SLC35E2B: variants seen among roughly 807,000 people sequenced by gnomAD.
SLC35E2B encodes solute carrier family 35 member E2B.
Under a neutral mutation model 32.4 loss-of-function variants are expected in SLC35E2B, and 18 were observed. The ratio of observed to expected loss-of-function variants is 0.56; its 90% confidence interval spans 0.38 to 0.82. The LOEUF (loss-of-function observed/expected upper bound fraction) is 0.82. Ranked by LOEUF, SLC35E2B falls within the 40% of genes least tolerant of loss-of-function variation. The pLI is 0.00. For missense variants in SLC35E2B, 263 were observed against 469.5 expected, an observed-to-expected ratio of 0.56 and a Z score of 4.06; for synonymous variants, 132 against 209.1, an observed-to-expected ratio of 0.63 and a Z score of 3.18.
rs571091862 is a variant in SLC35E2B at position 1,685,414 on chromosome 1, GAAAAA to G, written c.-148+5557_-148+5561del. Among the ~76,000 whole-genome samples, 42 of 102,812 alleles carry G rather than the reference GAAAAA, an allele frequency of 4.1e-4. No homozygotes were observed. The East Asian group carries it at 8.1e-3, about 20-fold the overall frequency. The allele number at this position is 102,812 out of a possible 152,430, so 67.4% of individuals were successfully genotyped here. A position where few individuals can be genotyped will look rare whatever the true frequency, so the allele number is the denominator to read the frequency against. On this transcript the variant is annotated intron_variant, in intron 2 of 9. Transcript: ENST00000617444. ...GGCGACACAGTGAAACGTTTTCTCA[GAAAAA>G]AAAAAAAAAAAAAGAAAAGGAAAAA...
chr1:1,671,854 G>T (rs1340376183), intron 5 of SLC35E2B: 1 of 412,304 alleles, frequency 2.4e-6, no homozygotes, highest in African/African-American at 2.1e-5. Flanking sequence ...CTCTACATGA[G>T]ATGCGTCCCC....
At chr1:1,677,392 C>A (rs1570332219) in intron 2 of SLC35E2B, among the ~76,000 whole-genome samples, 1 of 151,334 alleles carries the variant, frequency 6.6e-6, no homozygotes, top group South Asian at 2.1e-4. Flanking sequence ...TCCTTCACGC[C>A]CTGCCTGGCA....
At chr1:1,684,383 C>G (rs1425713180) in intron 2 of SLC35E2B, among the ~76,000 whole-genome samples, 1 of 152,164 alleles carries the variant, frequency 6.6e-6, no homozygotes, top group East Asian at 1.9e-4. Flanking sequence ...GTTTGCTTTC[C>G]CACCATCATA....
intron 6 of SLC35E2B, 95 bp downstream of exon 6, chr1:1,671,400 CTGCTTTGGCTCACG>C (rs2101097521): frequency 8.1e-7 from 1 of 1,241,132 alleles, no homozygotes; most frequent in Admixed American, 4.0e-5. Flanking sequence ...TTGGACGCAC[CTGCTTTGGCTCACG>C]GGAGGAATTC....
rs550420725 is a variant in SLC35E2B, at chr1:1,681,620, C to T, written c.-147-4774G>A. ...TTCTTGGATTCAAGGGATTCGCATG[C>T]CTCAGCCTCTCGGGCAGCTGGAATT... On this transcript the variant is annotated intron_variant, in intron 2 of 9. Transcript: ENST00000617444. Among the ~76,000 whole-genome samples, 8 of 151,838 alleles carry T rather than the reference C, an allele frequency of 5.3e-5. No individual in the cohort carries two copies. In the East Asian group the frequency reaches 1.6e-3, roughly 30 times the overall value.
chr1:1,670,382 A>G, intron 6 of SLC35E2B: 2 of 451,868 alleles, frequency 4.4e-6, no homozygotes, highest in South Asian at 2.6e-5. Flanking sequence ...TCAGCCTCCC[A>G]AAGTGCTGGG....
At chr1:1,681,338 C>T (rs1177431068) in intron 2 of SLC35E2B, among the ~76,000 whole-genome samples, 2 of 151,834 alleles carry the variant, frequency 1.3e-5, no homozygotes, top group African/African-American at 2.4e-5. Context: ...GCTGGGACTA[C>T]AGGCGCCCGC....
chr1:1,663,856 A>G lies in SLC35E2B; in HGVS notation c.*1926T>C, dbSNP rs1370052494. On this transcript the variant is annotated 3_prime_UTR_variant, in exon 10 of 10. Coordinates refer to ENST00000617444, the MANE Select transcript of SLC35E2B (RefSeq NM_001290264.2). ...AAAACATCTTCGCAGCGCAGTGAGCACACACCTGGCCTGTCCTCCACACAC... is the reference window on the plus strand; with the variant it reads ...AAAACATCTTCGCAGCGCAGTGAGCGCACACCTGGCCTGTCCTCCACACAC... 2.2e-6 allele frequency: 2 copies of G among 909,084 alleles called. No homozygotes were observed. Among genetic ancestry groups the G allele is most frequent in the African/African-American group, 3.5e-5 (2 of 56,782 alleles). 56.3% of individuals were successfully genotyped at this position (909,084 alleles called of 1,614,324 possible).
At chr1:1,681,887 A>T (rs1240259230) in intron 2 of SLC35E2B, among the ~76,000 whole-genome samples, 3 of 150,830 alleles carry the variant, frequency 2.0e-5, no homozygotes, top group African/African-American at 7.3e-5. Context: ...CAGGAGGCTG[A>T]GGCAGGAGAA....
At chr1:1,681,876 T>C (rs1643902142) in intron 2 of SLC35E2B, among the ~76,000 whole-genome samples, 1 of 150,318 alleles carries the variant, frequency 6.7e-6, no homozygotes, top group Admixed American at 6.6e-5. Flanking sequence ...TCCCAGCTAC[T>C]CAGGAGGCTG....
chr1:1,682,169 C>T (rs954396848), intron 2 of SLC35E2B, among the ~76,000 whole-genome samples: 2 of 151,934 alleles, frequency 1.3e-5, no homozygotes, highest in Non-Finnish European at 2.9e-5. Flanking sequence ...TGGGTGCAAC[C>T]TTTCAGAGGT....
Position 1,671,892 on chromosome 1 carries a change from G to A in SLC35E2B, c.587-263C>T, listed in dbSNP as rs1350640358. On this transcript the variant is annotated intron_variant, in intron 5 of 9. Transcript: ENST00000617444. ...GAGACTGAGCCCCAGCCATGGGCAG[G>A]TGAGCCACAGAAACCTTCCTGATTC... 17 of 303,398 alleles carry A rather than the reference G, an allele frequency of 5.6e-5. No homozygotes were observed. In the South Asian group the frequency reaches 1.2e-3, roughly 21 times the overall value. The allele number at this position is 303,398 out of a possible 1,614,324, so 18.8% of individuals were successfully genotyped here.
intron 2 of SLC35E2B, among the ~76,000 whole-genome samples, chr1:1,682,914 T>C (rs1020570444): frequency 1.3e-5 from 2 of 151,926 alleles, no homozygotes; most frequent in Non-Finnish European, 2.9e-5. Flanking sequence ...CCGTCTCTAC[T>C]AAAAATATAA....
intron 5 of SLC35E2B, among the ~76,000 whole-genome samples, chr1:1,674,862 C>T (rs955430461): frequency 1.4e-4 from 22 of 152,224 alleles, no homozygotes; most frequent in African/African-American, 4.6e-4. Flanking sequence ...CCGTTCAAGA[C>T]GCCGCGCTCT....
chr1:1,668,613 G>A lies in SLC35E2B; in HGVS notation c.835-141C>T, dbSNP rs144037301. The A allele has an allele frequency of 2.1e-3, 3,167 of 1,492,126 alleles. 55 individuals are homozygous for A. The African/African-American group carries it at 0.036, about 17-fold the overall frequency. 92.4% of individuals were successfully genotyped at this position (1,492,126 alleles called of 1,614,324 possible). A position where few individuals can be genotyped will look rare whatever the true frequency, so the allele number is the denominator to read the frequency against. ...GGACAGCCCTGAAAATGCCTCGAGCGGACAGCTGGACTGTGCACTCATCCA... is the reference window on the plus strand; with the variant it reads ...GGACAGCCCTGAAAATGCCTCGAGCAGACAGCTGGACTGTGCACTCATCCA... On this transcript the variant is annotated intron_variant, in intron 8 of 9. Transcript: ENST00000617444.
chr1:1,669,511 T>A (rs1274438953), intron 8 of SLC35E2B, among the ~76,000 whole-genome samples, 153 bp downstream of exon 8: 1 of 151,782 alleles, frequency 6.6e-6, no homozygotes, highest in Non-Finnish European at 1.5e-5. Flanking sequence ...AAACCCCGAG[T>A]GGCTCCCAGG....
chr1:1,672,354 A>G (rs2101098901), intron 5 of SLC35E2B: 1 of 152,360 alleles, frequency 6.6e-6, no homozygotes, highest in Non-Finnish European at 1.5e-5. Flanking sequence ...TCTCAAAAGA[A>G]GAAAGAGAAA....
At chr1:1,666,972 GCACA>G (rs1643563978) in intron 9 of SLC35E2B, among the ~76,000 whole-genome samples, 1 of 140,284 alleles carries the variant, frequency 7.1e-6, no homozygotes, top group Non-Finnish European at 1.5e-5. Context: ...GGGCATGGTG[GCACA>G]CGCCTGTAAT....
intron 2 of SLC35E2B, among the ~76,000 whole-genome samples, chr1:1,688,715 C>A (rs1293345694): frequency 6.6e-6 from 1 of 151,798 alleles, no homozygotes; most frequent in African/African-American, 2.4e-5. Flanking sequence ...ATGTGTGAAT[C>A]AGAGAGAAAG....
Sources: allele counts gnomAD v4.1 joint callset (sites outside exome capture counted in the v4.1 genomes callset), GRCh38; gene constraint gnomAD v4.1.1; transcripts MANE v1.5; gene names NCBI Gene and HGNC (gene_info 2026-07-23, HGNC 2026-07-21).